The following C3orf49 variants were observed in gnomAD, a reference collection of about 807,000 sequenced individuals.
C3orf49 encodes the protein putative uncharacterized protein C3orf49.
In C3orf49, 27 loss-of-function variants were observed where a neutral mutation model predicts 13.3. The observed-to-expected ratio is 2.02, with a 90% CI of 1.49 to 2.79. C3orf49 has a LOEUF of 2.79. C3orf49 is among the 30% of genes most tolerant of loss of function. C3orf49 has a pLI of 0.00. For synonymous variants in C3orf49, 87 were observed against 47.6 expected (o/e 1.83, Z -3.40); for missense variants, 242 against 134.2 (o/e 1.80, Z -3.97).
intron 5 of C3orf49, chr3:63,836,363 A>C (rs376267863): frequency 1.9e-6 from 3 of 1,611,450 alleles, no homozygotes; most frequent in Non-Finnish European, 2.5e-6. Flanking sequence ...CATATTCTGT[A>C]AGACATAAAA....
the C3orf49 span, among the ~76,000 whole-genome samples, chr3:63,812,125 C>T: frequency 1.2e-4 from 19 of 152,004 alleles, 1 homozygote; most frequent in Admixed American, 9.8e-4. Flanking sequence ...TTATGAGGAT[C>T]CTGAAATGGA....
intron 2 of C3orf49, chr3:63,826,722 C>T (rs997234958): frequency 6.6e-6 from 1 of 152,164 alleles, no homozygotes; most frequent in African/African-American, 2.4e-5. Context: ...GTGTAACACA[C>T]AGCAAATTGC....
chr3:63,828,113 A>C (rs1701489659), intron 3 of C3orf49, among the ~76,000 whole-genome samples: 1 of 152,258 alleles, frequency 6.6e-6, no homozygotes, highest in Admixed American at 6.5e-5. Flanking sequence ...AGTAGCCGTT[A>C]GCCACATTTG....
chr3:63,800,865 C>T, the C3orf49 span, among the ~76,000 whole-genome samples: 1 of 152,092 alleles, frequency 6.6e-6, no homozygotes, highest in African/African-American at 2.4e-5. Flanking sequence ...GGGGAAGAAC[C>T]ACCCAGGGGA....
the C3orf49 span, among the ~76,000 whole-genome samples, chr3:63,786,540 G>A: frequency 6.6e-6 from 1 of 152,156 alleles, no homozygotes; most frequent in Non-Finnish European, 1.5e-5. Context: ...TATGTGGAGG[G>A]AGGTCGTGGA....
At chr3:63,834,102 A>T (rs1405962230) in intron 5 of C3orf49, 2 of 1,611,176 alleles carry the variant, frequency 1.2e-6, no homozygotes, top group Non-Finnish European at 1.7e-6. Flanking sequence ...CTATTTCAAT[A>T]TTCCTGGGAG....
At chr3:63,841,196 G>C (rs1002775844) in intron 5 of C3orf49, among the ~76,000 whole-genome samples, 1 of 152,144 alleles carries the variant, frequency 6.6e-6, no homozygotes, top group Non-Finnish European at 1.5e-5. Context: ...CATATGTGTG[G>C]AAAAAGGAGG....
At chr3:63,785,739 C>T in the C3orf49 span, among the ~76,000 whole-genome samples, 32 of 152,126 alleles carry the variant, frequency 2.1e-4, no homozygotes, top group African/African-American at 7.2e-4. Context: ...CCAAAATAAT[C>T]GTGGCTTCAC....
intron 2 of C3orf49, among the ~76,000 whole-genome samples, chr3:63,824,301 A>G (rs1475267770): frequency 2.6e-5 from 4 of 152,184 alleles, no homozygotes; most frequent in Non-Finnish European, 5.9e-5. Flanking sequence ...AGACTTTCAC[A>G]TGGCTACTTC....
intron 1 of C3orf49, 118 bp from the exon 2 acceptor site, chr3:63,823,132 A>AT (rs928824601): frequency 0.022 from 10,547 of 478,684 alleles, no homozygotes; most frequent in South Asian, 0.033. Context: ...CTTCAATTTC[A>AT]TTTTTTTTTT....
At chr3:63,808,346 A>C in the C3orf49 span, among the ~76,000 whole-genome samples, 1 of 152,216 alleles carries the variant, frequency 6.6e-6, no homozygotes, top group Admixed American at 6.5e-5. Context: ...TCCCTAAATG[A>C]TGTTATTTCA....
chr3:63,820,863 A>C (rs1701384437), intron 1 of C3orf49, among the ~76,000 whole-genome samples: 2 of 152,044 alleles, frequency 1.3e-5, no homozygotes, highest in Non-Finnish European at 2.9e-5. Context: ...GAAGTCATAT[A>C]TGTACATTTT....
At chr3:63,826,698 C>T (rs1019301143) in intron 2 of C3orf49, 9 of 152,224 alleles carry the variant, frequency 5.9e-5, no homozygotes, top group Admixed American at 6.5e-5. Flanking sequence ...GGTGTGCACA[C>T]TGCATGAAGA....
chr3:63,812,563 C>T, the C3orf49 span, among the ~76,000 whole-genome samples: 1 of 152,106 alleles, frequency 6.6e-6, no homozygotes, highest in Non-Finnish European at 1.5e-5. Context: ...CCTTAAGATA[C>T]CTATCATTTA....
At chr3:63,825,423 C>G (rs1211492782) in intron 2 of C3orf49, among the ~76,000 whole-genome samples, 1 of 152,138 alleles carries the variant, frequency 6.6e-6, no homozygotes, top group Non-Finnish European at 1.5e-5. Context: ...TAGCAATTAC[C>G]TGGTATGGAT....
intron 1 of C3orf49, among the ~76,000 whole-genome samples, chr3:63,822,733 G>C (rs1386001463): frequency 1.3e-5 from 2 of 152,214 alleles, no homozygotes. Context: ...ATCTAAATGA[G>C]TGTTTTATGT....
chr3:63,802,223 G>T, the C3orf49 span, among the ~76,000 whole-genome samples: 3 of 152,158 alleles, frequency 2.0e-5, no homozygotes, highest in Non-Finnish European at 4.4e-5. Context: ...CTTTGCTATT[G>T]TTTCTGCAGA....
Position 63,819,466 on chromosome 3 carries a change from A to G in C3orf49, c.-6A>G. On this transcript the variant is annotated 5_prime_UTR_variant, in exon 1 of 7. Coordinates refer to ENST00000295896, the MANE Select transcript of C3orf49 (RefSeq NM_001355236.2). ...AAAACGGCTACTACAGGTGAAGTTG[A>G]GAGCAATGGCCCAACCTCAGCTGTA... 1.4e-6 allele frequency: 1 copy of G among 702,806 alleles called. No individual in the cohort carries two copies. The highest frequency in any genetic ancestry group is 1.5e-5 in the South Asian group (1 of 67,574). The allele number at this position is 702,806 out of a possible 1,614,324, so 43.5% of individuals were successfully genotyped here.
chr3:63,814,010 C>T, the C3orf49 span, among the ~76,000 whole-genome samples: 2 of 152,178 alleles, frequency 1.3e-5, no homozygotes, highest in African/African-American at 4.8e-5. Flanking sequence ...AATCTAGAAT[C>T]TCAGCTTACC....
Sources: gnomAD v4.1 joint callset for allele counts (sites outside exome capture counted in the v4.1 genomes callset) on GRCh38, gnomAD v4.1.1 for gene constraint, MANE v1.5 for transcripts, NCBI Gene and HGNC (gene_info 2026-07-23, HGNC 2026-07-21) for gene names.